EBF1: variants seen among roughly 807,000 people sequenced by gnomAD.
EBF1 encodes the protein transcription factor COE1.
Under a neutral mutation model 68.4 loss-of-function variants are expected in EBF1, and 10 were observed. That is an observed-to-expected ratio of 0.15 (90% CI 0.09 to 0.25). The LOEUF (loss-of-function observed/expected upper bound fraction) is 0.25, where lower values mean the gene tolerates loss of function less well. EBF1 is among the 10% of genes least tolerant of loss of function. The probability of loss-of-function intolerance (pLI) is 1.00; values close to 1 mark genes in which losing one functional copy is unlikely to be tolerated. For missense variants in EBF1, 509 were observed against 794.4 expected (o/e 0.64, Z 4.32); for synonymous variants, 298 against 299.8 (o/e 0.99, Z 0.06).
At chr5:158,971,451 G>T (rs1180413118) in intron 6 of EBF1, among the ~76,000 whole-genome samples, 1 of 152,152 alleles carries the variant, frequency 6.6e-6, no homozygotes, top group African/African-American at 2.4e-5. Context: ...CGGCATCAAG[G>T]CCCTGGACCC....
chr5:158,915,678 G>A (rs576942563), intron 6 of EBF1, among the ~76,000 whole-genome samples: 55 of 152,306 alleles, frequency 3.6e-4, no homozygotes, highest in Non-Finnish European at 5.3e-4. Flanking sequence ...GCCTTTTCAC[G>A]GAGGGAGACA....
intron 4 of EBF1, among the ~76,000 whole-genome samples, chr5:159,085,813 CAAGACT>C (rs1272530282): frequency 6.6e-6 from 1 of 152,028 alleles, no homozygotes; most frequent in African/African-American, 2.4e-5. Context: ...ACAGATGCTA[CAAGACT>C]AACTTGTAGT....
chr5:159,011,447 C>T (rs1764644095), intron 6 of EBF1, among the ~76,000 whole-genome samples: 1 of 152,168 alleles, frequency 6.6e-6, no homozygotes, highest in African/African-American at 2.4e-5. Context: ...CCTATAAGGA[C>T]CTTCCCAGCC....
intron 6 of EBF1, among the ~76,000 whole-genome samples, chr5:158,889,085 G>T (rs144098704): frequency 2.6e-5 from 4 of 152,150 alleles, no homozygotes; most frequent in African/African-American, 9.6e-5. Context: ...TGTAACACTT[G>T]TAACACTACC....
At chr5:159,075,933 G>C (rs1778698727) in intron 5 of EBF1, among the ~76,000 whole-genome samples, 1 of 151,942 alleles carries the variant, frequency 6.6e-6, no homozygotes, top group Non-Finnish European at 1.5e-5. Flanking sequence ...CCCTTCCCTA[G>C]TTAGCCAATC....
Position 158,731,070 on chromosome 5 carries a change from T to C in EBF1, c.1124A>G (p.Lys375Arg). ...RHPGDPERLP[K>R]EVILKRAADL... The stretch of plus-strand genomic sequence containing the variant: ...ATTACAAAAAGGCAGTATCCTCACC[T>C]TTGGCAAACGCTCAGGGTCACCAGG... Residue 375 changes from lysine (K) to arginine (R), a missense_variant and splice_region_variant, in exon 11 of 16, where the codon AAG becomes AGG. This residue lies in a region of EBF1 where 230 missense variants were observed against 467.7 expected (regional missense o/e 0.49). Transcript: ENST00000313708. 1 of 1,613,754 alleles carries C rather than the reference T, an allele frequency of 6.2e-7. No homozygotes were observed. The highest frequency in any genetic ancestry group is 1.7e-5 in the Admixed American group (1 of 59,998).
intron 4 of EBF1, among the ~76,000 whole-genome samples, chr5:159,086,969 C>A (rs1780746457): frequency 6.6e-6 from 1 of 152,026 alleles, no homozygotes; most frequent in African/African-American, 2.4e-5. Flanking sequence ...CATCTGCCTG[C>A]TTTATTTCCT....
At chr5:159,057,972 A>T (rs1775079781) in intron 6 of EBF1, among the ~76,000 whole-genome samples, 1 of 152,222 alleles carries the variant, frequency 6.6e-6, no homozygotes, top group Non-Finnish European at 1.5e-5. Context: ...TCGAAGAGGT[A>T]TGTGAATGAT....
intron 11 of EBF1, among the ~76,000 whole-genome samples, chr5:158,716,839 C>T (rs1760827822): frequency 6.6e-6 from 1 of 152,154 alleles, no homozygotes; most frequent in Non-Finnish European, 1.5e-5. Flanking sequence ...ACAGACAGAA[C>T]ATGACGAGCA....
intron 6 of EBF1, among the ~76,000 whole-genome samples, chr5:158,965,943 T>A (rs1263407550): frequency 6.6e-6 from 1 of 152,146 alleles, no homozygotes; most frequent in African/African-American, 2.4e-5. Flanking sequence ...ATAATCTACA[T>A]CCTAATGGTG....
chr5:158,961,067 A>G (rs1017108565), intron 6 of EBF1, among the ~76,000 whole-genome samples: 2 of 152,242 alleles, frequency 1.3e-5, no homozygotes, highest in East Asian at 3.8e-4. Context: ...GGCCAAAAAC[A>G]CAAAGAAAAA....
At chr5:158,878,999 A>G (rs1379121338) in intron 6 of EBF1, among the ~76,000 whole-genome samples, 1 of 152,164 alleles carries the variant, frequency 6.6e-6, no homozygotes, top group Non-Finnish European at 1.5e-5. Flanking sequence ...AACAGAAAAA[A>G]AGAATAGATT....
intron 10 of EBF1, among the ~76,000 whole-genome samples, chr5:158,750,254 A>G (rs780776252): frequency 2.6e-5 from 4 of 152,118 alleles, no homozygotes; most frequent in African/African-American, 4.8e-5. Context: ...TATCAGATCA[A>G]TTCTTAAAGG....
At chr5:158,820,313 C>CAA (rs934514700) in intron 8 of EBF1, among the ~76,000 whole-genome samples, 38 of 152,208 alleles carry the variant, frequency 2.5e-4, no homozygotes, top group African/African-American at 9.2e-4. Context: ...GTATGATTCT[C>CAA]AAAGTCTTTT....
Position 159,095,682 on chromosome 5 carries a change from T to C in EBF1, c.356-7A>G. 6.2e-7 allele frequency: 1 copy of C among 1,613,622 alleles called. No individual in the cohort carries two copies. The highest frequency in any genetic ancestry group is 8.5e-7 in the Non-Finnish European group (1 of 1,179,816). ...TCCTGCTCCGTCCTTATCCCTAGGG[T>C]TGGAAATGGGGGAAGGGAGGAGAAT... On this transcript the variant is annotated splice_polypyrimidine_tract_variant and splice_region_variant and intron_variant, in intron 3 of 15. Coordinates refer to ENST00000313708, the MANE Select transcript of EBF1 (RefSeq NM_024007.5).
intron 5 of EBF1, among the ~76,000 whole-genome samples, chr5:159,078,514 T>A (rs770129429): frequency 6.6e-6 from 1 of 152,214 alleles, no homozygotes; most frequent in African/African-American, 2.4e-5. Context: ...AAAGCACTAT[T>A]TTTTAGGCTC....
At chr5:158,753,981 A>AT (rs1256124461) in intron 10 of EBF1, among the ~76,000 whole-genome samples, 1 of 151,524 alleles carries the variant, frequency 6.6e-6, no homozygotes, top group Non-Finnish European at 1.5e-5. Flanking sequence ...GTATTTGCTA[A>AT]TTTTTTTTCT....
rs577409476 is a variant in EBF1, at chr5:158,738,713, G to A, written c.1037-7556C>T. Among the ~76,000 whole-genome samples, 88 of 152,290 alleles carry A rather than the reference G, an allele frequency of 5.8e-4. 1 individual carries two copies. In the South Asian group the frequency reaches 0.018, roughly 30 times the overall value. The stretch of plus-strand genomic sequence containing the variant: ...CAGAAAGAGTTGGTTGCATAAATTA[G>A]CACAGAAGCCTCATTGTTTATATTT... On this transcript the variant is annotated intron_variant, in intron 10 of 15. Coordinates refer to ENST00000313708, the MANE Select transcript of EBF1 (RefSeq NM_024007.5).
rs75018195 is a variant in EBF1 at position 158,817,158 on chromosome 5, G to A, written c.778+6018C>T. ...CCTGCCACTCCTCCCTTGCCTGGGC[G>A]CAACAGGAGCCCTCTCAGTCTCCTT... On this transcript the variant is annotated intron_variant, in intron 8 of 15. Coordinates refer to ENST00000313708, the MANE Select transcript of EBF1 (RefSeq NM_024007.5). Among the ~76,000 whole-genome samples, 1,275 of 152,048 alleles carry A rather than the reference G, an allele frequency of 8.4e-3. 22 individuals carry two copies. The highest frequency in any genetic ancestry group is 0.028 in the African/African-American group (1,171 of 41,484).
Sources: gnomAD v4.1 joint callset for allele counts (sites outside exome capture counted in the v4.1 genomes callset) on GRCh38, gnomAD v4.1.1 for gene constraint, gnomAD v4.1.1 regional missense constraint, MANE v1.5 for transcripts, NCBI Gene and HGNC (gene_info 2026-07-23, HGNC 2026-07-21) for gene names.